Variants in KCTD8 observed in about 807,000 individuals in gnomAD.
The protein encoded by KCTD8 is BTB/POZ domain-containing protein KCTD8.
KCTD8 carries 27 observed loss-of-function variants against 31.5 expected under a neutral mutation model. The observed-to-expected ratio is 0.86, with a 90% confidence interval of 0.63 to 1.18. KCTD8 has a LOEUF of 1.18. KCTD8 is among the 50% of genes most tolerant of loss of function. KCTD8 has a pLI of 0.00. For missense variants in KCTD8, 658 were observed against 647.7 expected, an observed-to-expected ratio of 1.02 and a Z score of -0.17; for synonymous variants, 290 against 280.0, an observed-to-expected ratio of 1.04 and a Z score of -0.36.
At chr4:44,353,229 G>A (rs892625680) in intron 1 of KCTD8, among the ~76,000 whole-genome samples, 1 of 151,998 alleles carries the variant, frequency 6.6e-6, no homozygotes, top group Non-Finnish European at 1.5e-5. Flanking sequence ...TTTTGTGTCT[G>A]CTTCATTTGG....
chr4:44,179,648 C>T (rs941358514), intron 1 of KCTD8, among the ~76,000 whole-genome samples: 1 of 151,504 alleles, frequency 6.6e-6, no homozygotes, highest in Non-Finnish European at 1.5e-5. Context: ...AAAGAGAATG[C>T]TTGGCTTTAT....
chr4:44,190,475 CTCTA>C (rs905906090), intron 1 of KCTD8, among the ~76,000 whole-genome samples: 13 of 152,246 alleles, frequency 8.5e-5, no homozygotes, highest in Non-Finnish European at 1.6e-4. Flanking sequence ...ATAGGTGGTG[CTCTA>C]TCTATCTTAT....
chr4:44,412,804 G>C (rs1720993270), intron 1 of KCTD8, among the ~76,000 whole-genome samples: 1 of 152,214 alleles, frequency 6.6e-6, no homozygotes, highest in Admixed American at 6.5e-5. Context: ...CATTTTTCTA[G>C]GCATATTGTC....
chr4:44,415,253 C>T (rs1721047268), intron 1 of KCTD8, among the ~76,000 whole-genome samples: 2 of 152,070 alleles, frequency 1.3e-5, no homozygotes, highest in African/African-American at 2.4e-5. Flanking sequence ...CTTCTAACAA[C>T]CTGCGATCAG....
chr4:44,437,058 G>GT (rs11392516), intron 1 of KCTD8, among the ~76,000 whole-genome samples: 115,972 of 146,688 alleles, frequency 0.79, 45,615 homozygotes, highest in East Asian at 0.98. Flanking sequence ...GATTTTGAAA[G>GT]TTTTTTTTTT....
intron 1 of KCTD8, among the ~76,000 whole-genome samples, chr4:44,414,441 C>T (rs1469062201): frequency 6.6e-6 from 1 of 152,056 alleles, no homozygotes; most frequent in East Asian, 1.9e-4. Flanking sequence ...GGAGGAAGTG[C>T]TCTGGGTAGT....
chr4:44,399,184 T>C (rs1398556645), intron 1 of KCTD8, among the ~76,000 whole-genome samples: 5 of 152,080 alleles, frequency 3.3e-5, no homozygotes, highest in Non-Finnish European at 7.4e-5. Flanking sequence ...CAGGCACATG[T>C]GGAGGTCATT....
intron 1 of KCTD8, among the ~76,000 whole-genome samples, chr4:44,218,966 T>C (rs1376567789): frequency 4.6e-5 from 7 of 152,196 alleles, no homozygotes; most frequent in Admixed American, 4.6e-4. Context: ...AAGCACATTG[T>C]TCACATGTTT....
intron 1 of KCTD8, among the ~76,000 whole-genome samples, chr4:44,427,152 A>G (rs376480369): frequency 1.3e-5 from 2 of 151,456 alleles, no homozygotes; most frequent in East Asian, 1.9e-4. Context: ...GTAGAAGAGA[A>G]TATCCTAAAC....
chr4:44,209,583 TTGAC>T (rs1375007695), intron 1 of KCTD8, among the ~76,000 whole-genome samples: 1 of 151,650 alleles, frequency 6.6e-6, no homozygotes, highest in Non-Finnish European at 1.5e-5. Context: ...GATTGATTGA[TTGAC>T]TGATGTAATA....
At chr4:44,380,438 A>G (rs934589049) in intron 1 of KCTD8, among the ~76,000 whole-genome samples, 1 of 151,652 alleles carries the variant, frequency 6.6e-6, no homozygotes. Context: ...AAAAATCAGT[A>G]TTGGCAAAGG....
At chr4:44,446,200 T>G (rs2109488092) in intron 1 of KCTD8, among the ~76,000 whole-genome samples, 1 of 152,312 alleles carries the variant, frequency 6.6e-6, no homozygotes, top group South Asian at 2.1e-4. Flanking sequence ...AACCTTCCAG[T>G]TAAGCTTGCA....
chr4:44,281,710 A>T (rs1441423904), intron 1 of KCTD8, among the ~76,000 whole-genome samples: 1 of 152,118 alleles, frequency 6.6e-6, no homozygotes, highest in Non-Finnish European at 1.5e-5. Context: ...CAGAGAGAAG[A>T]TTGAGAGCAG....
chr4:44,290,767 A>G (rs1323115544), intron 1 of KCTD8, among the ~76,000 whole-genome samples: 1 of 152,134 alleles, frequency 6.6e-6, no homozygotes, highest in African/African-American at 2.4e-5. Context: ...AATTAAAAAA[A>G]TTAGAGACAC....
Position 44,261,067 on chromosome 4 carries a change from A to T in KCTD8, c.962-85817T>A, listed in dbSNP as rs187072207. Among the ~76,000 whole-genome samples, 187 of 152,114 alleles carry T rather than the reference A, an allele frequency of 1.2e-3. 2 individuals are homozygous for T. The highest frequency in any genetic ancestry group is 6.8e-3 in the Middle Eastern group (2 of 294). On this transcript the variant is annotated intron_variant, in intron 1 of 1. Transcript: ENST00000360029. ...TTAGAAGTGGTAAGACTTCAGCTCT[A>T]CTTTGAAGGTACAGTTAGTAGAATT...
intron 1 of KCTD8, among the ~76,000 whole-genome samples, chr4:44,342,311 G>A (rs1263352388): frequency 6.7e-6 from 1 of 148,272 alleles, no homozygotes; most frequent in Admixed American, 6.9e-5. Context: ...GGAGATTGCA[G>A]TGAGCCAAGA....
chr4:44,304,061 C>A (rs935742172), intron 1 of KCTD8, among the ~76,000 whole-genome samples: 1 of 152,104 alleles, frequency 6.6e-6, no homozygotes, highest in East Asian at 1.9e-4. Flanking sequence ...CAGACTCTAA[C>A]ATCACCTTAT....
intron 1 of KCTD8, among the ~76,000 whole-genome samples, chr4:44,390,398 T>C (rs1332306023): frequency 6.6e-6 from 1 of 152,054 alleles, no homozygotes; most frequent in Non-Finnish European, 1.5e-5. Flanking sequence ...AGGGTGTCTT[T>C]CCCTCGACCA....
chr4:44,311,016 T>C (rs1009529868), intron 1 of KCTD8, among the ~76,000 whole-genome samples: 1 of 151,820 alleles, frequency 6.6e-6, no homozygotes, highest in Admixed American at 6.6e-5. Context: ...TATTTTTTTT[T>C]CATTTAGTTC....
Sources: allele counts gnomAD v4.1 joint callset (sites outside exome capture counted in the v4.1 genomes callset), GRCh38; gene constraint gnomAD v4.1.1; transcripts MANE v1.5; gene names NCBI Gene and HGNC (gene_info 2026-07-23, HGNC 2026-07-21).